Variants in RABGAP1L observed in about 807,000 individuals in gnomAD.
RABGAP1L encodes rab GTPase-activating protein 1-like.
A neutral mutation model predicts 137.7 loss-of-function variants in RABGAP1L; 63 were observed. The observed-to-expected ratio is 0.46, with a 90% CI of 0.37 to 0.56. The LOEUF is 0.56. RABGAP1L is among the 20% of genes least tolerant of loss of function. The pLI, the probability that RABGAP1L is intolerant of heterozygous loss-of-function variation, is 0.00. For synonymous variants in RABGAP1L, 431 were observed against 433.7 expected, an observed-to-expected ratio of 0.99 and a Z score of 0.08; for missense variants, 1,095 against 1,244.0, an observed-to-expected ratio of 0.88 and a Z score of 1.80.
At chr1:174,317,062 G>A (rs899458489) in intron 11 of RABGAP1L, among the ~76,000 whole-genome samples, 1 of 152,000 alleles carries the variant, frequency 6.6e-6, no homozygotes, top group African/African-American at 2.4e-5. Flanking sequence ...ATTTGGCCAG[G>A]GCAGGTTTAG....
intron 11 of RABGAP1L, among the ~76,000 whole-genome samples, chr1:174,362,526 G>C (rs1211847337): frequency 1.3e-5 from 2 of 152,132 alleles, no homozygotes; most frequent in African/African-American, 2.4e-5. Context: ...TTTCTCTAAT[G>C]ATCAGTGTTG....
At chr1:174,418,668 G>T (rs1199912073) in intron 13 of RABGAP1L, among the ~76,000 whole-genome samples, 1 of 152,100 alleles carries the variant, frequency 6.6e-6, no homozygotes, top group African/African-American at 2.4e-5. Context: ...TTTTTAATGA[G>T]TCCTTAGTCT....
intron 18 of RABGAP1L, among the ~76,000 whole-genome samples, chr1:174,779,296 C>T (rs751051482): frequency 3.0e-4 from 45 of 152,216 alleles, no homozygotes; most frequent in Non-Finnish European, 5.7e-4. Flanking sequence ...TGATTCTAAA[C>T]TCTTTCTGCC....
chr1:174,980,487 A>G (rs1670998825), intron 23 of RABGAP1L, among the ~76,000 whole-genome samples: 1 of 152,240 alleles, frequency 6.6e-6, no homozygotes, highest in East Asian at 1.9e-4. Context: ...CTGTGCTTCA[A>G]AGGCGATGTA....
chr1:174,285,178 G>A (rs994777188), intron 10 of RABGAP1L, among the ~76,000 whole-genome samples: 6 of 151,834 alleles, frequency 4.0e-5, no homozygotes, highest in African/African-American at 1.5e-4. Flanking sequence ...CACCACGCCC[G>A]GCTAATTTTT....
At chr1:174,257,424 G>A (rs948227168) in intron 7 of RABGAP1L, among the ~76,000 whole-genome samples, 1 of 152,176 alleles carries the variant, frequency 6.6e-6, no homozygotes, top group Non-Finnish European at 1.5e-5. Context: ...AGGTGAAATA[G>A]TTGAATGCCT....
At chr1:174,657,608 T>C (rs1676057336) in intron 14 of RABGAP1L, among the ~76,000 whole-genome samples, 1 of 152,202 alleles carries the variant, frequency 6.6e-6, no homozygotes, top group Admixed American at 6.5e-5. Flanking sequence ...TTCCATTTGG[T>C]ATATATACCA....
At chr1:174,612,753 A>G (rs1671389450) in intron 13 of RABGAP1L, among the ~76,000 whole-genome samples, 1 of 152,238 alleles carries the variant, frequency 6.6e-6, no homozygotes, top group Non-Finnish European at 1.5e-5. Flanking sequence ...TGGTCTATTC[A>G]GAGATTCAAC....
At chr1:174,250,851 T>C (rs1571778526) in intron 6 of RABGAP1L, among the ~76,000 whole-genome samples, 1 of 152,330 alleles carries the variant, frequency 6.6e-6, no homozygotes, top group South Asian at 2.1e-4. Flanking sequence ...GGAGTGTGCA[T>C]GTGCAATGGC....
chr1:174,599,463 C>T (rs888834323), intron 13 of RABGAP1L, among the ~76,000 whole-genome samples: 10 of 152,082 alleles, frequency 6.6e-5, no homozygotes, highest in African/African-American at 2.4e-4. Context: ...TTCTTTTTGC[C>T]CATTAACATC....
At position 174,637,433 on chromosome 1, in the gene RABGAP1L, A is replaced by AT. The variant is rs1674149556; in HGVS notation, c.1771dup (p.Tyr591LeufsTer3). ...ATTCATCGTACATTTCCCGCACATG[A>AT]TTACTTTAAAGATACTGGAGGAGAT... On this transcript the variant is annotated frameshift_variant, in exon 14 of 26. Coordinates refer to ENST00000681986, the MANE Select transcript of RABGAP1L (RefSeq NM_001366446.1). LOFTEE classifies it high-confidence loss of function. The AT allele has an allele frequency of 6.2e-7, 1 of 1,613,396 alleles. No homozygotes were observed. Among genetic ancestry groups the AT allele is most frequent in the African/African-American group, 1.3e-5 (1 of 75,028 alleles).
chr1:174,377,542 C>T (rs959148817), intron 12 of RABGAP1L, among the ~76,000 whole-genome samples: 11 of 152,158 alleles, frequency 7.2e-5, no homozygotes, highest in South Asian at 2.1e-4. Context: ...AATAGAGCCA[C>T]GCAATCTAAA....
intron 19 of RABGAP1L, among the ~76,000 whole-genome samples, chr1:174,926,810 C>T (rs1396391315): frequency 1.3e-5 from 2 of 152,004 alleles, no homozygotes; most frequent in African/African-American, 2.4e-5. Flanking sequence ...CATGGTGGCT[C>T]ACACCTGTAA....
At chr1:174,370,052 T>C (rs1188159404) in intron 11 of RABGAP1L, among the ~76,000 whole-genome samples, 1 of 152,238 alleles carries the variant, frequency 6.6e-6, no homozygotes, top group Non-Finnish European at 1.5e-5. Context: ...TTTTGTGGTA[T>C]GCTAAGTAAT....
chr1:174,450,495 T>C (rs1655313052), intron 13 of RABGAP1L, among the ~76,000 whole-genome samples: 1 of 152,222 alleles, frequency 6.6e-6, no homozygotes, highest in Non-Finnish European at 1.5e-5. Flanking sequence ...GTAATTGTTA[T>C]TTAGATATTT....
At chr1:174,290,082 A>G (rs1317158968) in intron 10 of RABGAP1L, among the ~76,000 whole-genome samples, 4 of 152,138 alleles carry the variant, frequency 2.6e-5, no homozygotes, top group African/African-American at 9.7e-5. Context: ...TGTGCTTTGC[A>G]GCTGGGCTGG....
At chr1:174,370,900 C>A in intron 11 of RABGAP1L, 79 bp from the exon 12 acceptor site, 1 of 672,178 alleles carries the variant, frequency 1.5e-6, no homozygotes, top group Non-Finnish European at 2.3e-6. Flanking sequence ...GACATGGAGT[C>A]ATGTTTATTG....
intron 12 of RABGAP1L, among the ~76,000 whole-genome samples, chr1:174,372,940 G>A (rs770443127): frequency 5.3e-5 from 8 of 152,126 alleles, no homozygotes; most frequent in Non-Finnish European, 8.8e-5. Context: ...ACACTTCTAT[G>A]TTGTCACCCA....
chr1:174,886,825 T>G lies in RABGAP1L; in HGVS notation c.2341-70632T>G, dbSNP rs1655238379. On this transcript the variant is annotated intron_variant, in intron 19 of 25. Coordinates refer to ENST00000681986, the MANE Select transcript of RABGAP1L (RefSeq NM_001366446.1). ...CACCATTTAATTCTTTTTTTTTTCT[T>G]TTTTTTTGAGACAGGGTCTCATTCT... 2.0e-5 allele frequency among the ~76,000 whole-genome samples: 3 copies of G among 152,016 alleles called. No individual in the cohort carries two copies. The South Asian group carries it at 6.2e-4, about 32-fold the overall frequency.
Sources: allele counts gnomAD v4.1 joint callset (sites outside exome capture counted in the v4.1 genomes callset), GRCh38; gene constraint gnomAD v4.1.1; transcripts MANE v1.5; gene names NCBI Gene and HGNC (gene_info 2026-07-23, HGNC 2026-07-21).